Variants in TRMU observed in about 807,000 individuals in gnomAD.
TRMU encodes tRNA mitochondrial 2-thiouridylase.
A neutral mutation model predicts 46.9 loss-of-function variants in TRMU; 49 were observed. The observed-to-expected ratio is 1.05, with a 90% CI of 0.83 to 1.33. TRMU has a LOEUF of 1.33. Ranked by LOEUF, TRMU falls within the 40% of genes most tolerant of loss-of-function variation. The pLI, the probability that TRMU is intolerant of heterozygous loss-of-function variation, is 0.00. For missense variants in TRMU, 572 were observed against 532.4 expected (o/e 1.07, Z -0.73); for synonymous variants, 241 against 200.9 (o/e 1.20, Z -1.69).
chr22:46,354,262 C>T (rs2147106198), intron 8 of TRMU: 1 of 294,356 alleles, frequency 3.4e-6, no homozygotes, highest in Non-Finnish European at 6.7e-6. Context: ...ATGGCCAAGC[C>T]AGGATCAAAC....
In TRMU at chr22:46,349,819, C is replaced by T. The variant is rs529396799; in HGVS notation, c.479-472C>T. ...GCTGCTGGAGGCATGTGCTGGCCGC[C>T]GGGCAGTGAACCTGGAAAGTGTAGA... On this transcript the variant is annotated intron_variant, in intron 4 of 10. Transcript: ENST00000645190. The surrounding 1 kb of genome is among the most constrained non-coding windows in gnomAD (Gnocchi z 4.6). Among the ~76,000 whole-genome samples, 3 of 152,280 alleles carry T rather than the reference C, an allele frequency of 2.0e-5. No individual in the cohort carries two copies. Among genetic ancestry groups the T allele is most frequent in the African/African-American group, 4.8e-5 (2 of 41,560 alleles).
rs2078388044 is a variant in TRMU, at chr22:46,350,535, C to A, written c.651+72C>A. 3.2e-6 allele frequency: 5 copies of A among 1,569,536 alleles called. No individual in the cohort carries two copies. Among genetic ancestry groups the A allele is most frequent in the Non-Finnish European group, 4.4e-6 (5 of 1,143,398 alleles). ...GACTGCATGGCACGGAGCAGCTGGA[C>A]CTGTGGGTCCCGCACCACTTCCCCT... On this transcript the variant is annotated intron_variant, in intron 5 of 10. Transcript: ENST00000645190. The surrounding 1 kb of genome is among the most constrained non-coding windows in gnomAD (Gnocchi z 4.6).
At position 46,357,253 on chromosome 22, in the gene TRMU, A is replaced by C; in HGVS notation, c.*247A>C. 1.7e-6 allele frequency: 1 copy of C among 591,464 alleles called. No homozygotes were observed. Among genetic ancestry groups the C allele is most frequent in the Admixed American group, 3.0e-5 (1 of 33,588 alleles). The allele number at this position is 591,464 out of a possible 1,614,324, so 36.6% of individuals were successfully genotyped here. The stretch of plus-strand genomic sequence containing the variant: ...GCCCGAGTTCCCCTTCACCGCCCCC[A>C]GGGAGGGTTTCCCACCTCAGAGTAC... On this transcript the variant is annotated 3_prime_UTR_variant, in exon 11 of 11. Coordinates refer to ENST00000645190, the MANE Select transcript of TRMU (RefSeq NM_018006.5).
chr22:46,355,336 C>A, intron 8 of TRMU, 108 bp from the exon 9 acceptor site: 2 of 1,475,858 alleles, frequency 1.4e-6, no homozygotes, highest in Non-Finnish European at 1.8e-6. Flanking sequence ...AGCACCGTTA[C>A]CTGTGTGTGT....
At chr22:46,343,208 T>C in intron 2 of TRMU, 54 bp from the exon 3 acceptor site, 1 of 1,291,804 alleles carries the variant, frequency 7.7e-7, no homozygotes, top group Non-Finnish European at 1.1e-6. Flanking sequence ...ACTTTTTTTT[T>C]TTTTTTGAGG....
chr22:46,337,941 T>G lies in TRMU; in HGVS notation c.245T>G (p.Phe82Cys). The change falls in exon 2 of 11, where the codon TTC becomes TGC. Residue 82 changes from phenylalanine to cysteine, a missense_variant. Physicochemically the swap from Phe to Cys is radical, Grantham distance 205 (BLOSUM62 -2). Transcript: ENST00000645190. ...SYVKEYWNDVFSDFLNEYEKG... is the reference protein window; with the variant it reads ...SYVKEYWNDVCSDFLNEYEKG... The stretch of plus-strand genomic sequence containing the variant: ...GTAAAGGAGTATTGGAATGATGTGT[T>G]CAGGTGAGTGCGGGTCACAGCACAA... The G allele has an allele frequency of 6.2e-7, 1 of 1,614,140 alleles. No homozygotes were observed. Among genetic ancestry groups the G allele is most frequent in the South Asian group, 1.1e-5 (1 of 91,080 alleles).
In TRMU at chr22:46,350,786, T is replaced by C. The variant is rs2078396471; in HGVS notation, c.651+323T>C. ...GCCAGGTGAGTGCCAGGCAGTGTGA[T>C]GCAGCCCCGAGACCCCTGGAGGGGC... is the stretch of plus-strand genomic sequence containing the variant. On this transcript the variant is annotated intron_variant, in intron 5 of 10. Transcript: ENST00000645190. This position sits in a 1 kb window ranked among gnomAD's most constrained non-coding sequence, Gnocchi z 4.6. 6.6e-6 allele frequency among the ~76,000 whole-genome samples: 1 copy of C among 152,170 alleles called. No homozygotes were observed. Among genetic ancestry groups the C allele is most frequent in the Non-Finnish European group, 1.5e-5 (1 of 68,024 alleles).
chr22:46,355,738 C>T, intron 9 of TRMU, 150 bp downstream of exon 9: 1 of 1,363,848 alleles, frequency 7.3e-7, no homozygotes, highest in South Asian at 1.3e-5. Flanking sequence ...ACTCCCGTGT[C>T]CTGTGCCTGC....
In TRMU at chr22:46,348,600, C is replaced by T. The variant is rs950661754; in HGVS notation, c.479-1691C>T. On this transcript the variant is annotated intron_variant, in intron 4 of 10. Transcript: ENST00000645190. This position sits in a 1 kb window ranked among gnomAD's most constrained non-coding sequence, Gnocchi z 4.8. Reference sequence around the variant, plus strand: ...TACCACCGGCCTGGCAGAGCCAGCACGGCAGCCGGCGTGTCAGTGAGGCTC... The same window carrying T: ...TACCACCGGCCTGGCAGAGCCAGCATGGCAGCCGGCGTGTCAGTGAGGCTC... Among the ~76,000 whole-genome samples, 6 of 152,224 alleles carry T rather than the reference C, an allele frequency of 3.9e-5. No homozygotes were observed. Among genetic ancestry groups the T allele is most frequent in the Non-Finnish European group, 5.9e-5 (4 of 68,036 alleles).
chr22:46,344,381 C>A (rs571860027), intron 3 of TRMU, among the ~76,000 whole-genome samples: 1 of 152,194 alleles, frequency 6.6e-6, no homozygotes, highest in Non-Finnish European at 1.5e-5. Flanking sequence ...GAGTGATAGA[C>A]TGATAGAATG....
rs116556526 is a variant in TRMU, at chr22:46,338,137, A to T, written c.248+193A>T. The T allele has an allele frequency of 4.9e-3, 3,261 of 669,398 alleles. 82 individuals carry two copies. The African/African-American group carries it at 0.053, about 11-fold the overall frequency. The allele number at this position is 669,398 out of a possible 1,614,324, so 41.5% of individuals were successfully genotyped here. ...AGAGGCGAGGCCTGGACCCCACAGC[A>T]CACCCAGCTCTCTCACTCCTGTCAT... On this transcript the variant is annotated intron_variant, in intron 2 of 10. Transcript: ENST00000645190. This position sits in a 1 kb window ranked among gnomAD's most constrained non-coding sequence, Gnocchi z 4.5.
At chr22:46,335,891 C>T (rs773975989) in intron 1 of TRMU, 45 bp downstream of exon 1, 49 of 1,531,464 alleles carry the variant, frequency 3.2e-5, no homozygotes, top group African/African-American at 8.3e-5. Context: ...GAATGTGTCC[C>T]CGGAAACCTG....
intron 8 of TRMU, chr22:46,354,479 C>T (rs115577500): frequency 0.02 from 3,225 of 157,670 alleles, 106 homozygotes; most frequent in African/African-American, 0.071. Context: ...CCGTGTTCAG[C>T]ACAGCCTCTT....
At chr22:46,352,397 A>C in intron 7 of TRMU, 67 bp downstream of exon 7, 1 of 1,572,862 alleles carries the variant, frequency 6.4e-7, no homozygotes, top group Non-Finnish European at 8.7e-7. Context: ...GCTCTGGGAG[A>C]CTAGACCAGA....
In TRMU at chr22:46,342,880, G is replaced by A. The variant is rs2078157418; in HGVS notation, c.249-382G>A. On this transcript the variant is annotated intron_variant, in intron 2 of 10. Coordinates refer to ENST00000645190, the MANE Select transcript of TRMU (RefSeq NM_018006.5). This position sits in a 1 kb window ranked among gnomAD's most constrained non-coding sequence, Gnocchi z 4.7. ...GGCTGAGGTGGGAGAATCTGCAAGG[G>A]AAGTCTAAAGGATTTCATTTCCACT... is the stretch of plus-strand genomic sequence containing the variant. Among the ~76,000 whole-genome samples the A allele has an allele frequency of 6.6e-6, 1 of 152,250 alleles. No individual in the cohort carries two copies.
intron 2 of TRMU, among the ~76,000 whole-genome samples, chr22:46,340,514 G>A (rs948337104): frequency 3.5e-5 from 5 of 140,930 alleles, no homozygotes; most frequent in Non-Finnish European, 5.9e-5. Flanking sequence ...AATTAGGAGC[G>A]GAGCTGGGAT....
intron 8 of TRMU, chr22:46,354,182 G>A (rs184035051): frequency 1.7e-4 from 61 of 359,670 alleles, no homozygotes; most frequent in African/African-American, 1.0e-3. Flanking sequence ...GGTGGAGAGG[G>A]CATGGCCTCA....
rs758173239 is a variant in TRMU at position 46,339,009 on chromosome 22, C to G, written c.248+1065C>G. ...TGCCAACAAAGACCCAGAAGAGATA[C>G]TTGACTTTTCTAAGCCCCAATTTTC... On this transcript the variant is annotated intron_variant, in intron 2 of 10. Transcript: ENST00000645190. This position sits in a 1 kb window ranked among gnomAD's most constrained non-coding sequence, Gnocchi z 4.8. 3.3e-5 allele frequency among the ~76,000 whole-genome samples: 5 copies of G among 152,122 alleles called. No individual in the cohort carries two copies. The highest frequency in any genetic ancestry group is 5.9e-5 in the Non-Finnish European group (4 of 68,020).
intron 10 of TRMU, 152 bp from the exon 11 acceptor site, chr22:46,356,690 G>A: frequency 2.6e-6 from 2 of 766,280 alleles, no homozygotes; most frequent in Non-Finnish European, 2.0e-6. Context: ...CTCCTGTTCA[G>A]CAGCAGCAGC....
Sources: allele counts gnomAD v4.1 joint callset (sites outside exome capture counted in the v4.1 genomes callset), GRCh38; gene constraint gnomAD v4.1.1; non-coding constraint Gnocchi (gnomAD v3.1); transcripts MANE v1.5; gene names NCBI Gene and HGNC (gene_info 2026-07-23, HGNC 2026-07-21).